The following SCAMP1 variants were observed in gnomAD, a reference collection of about 807,000 sequenced individuals.
SCAMP1 encodes the protein secretory carrier-associated membrane protein 1.
Under a neutral mutation model 41.8 loss-of-function variants are expected in SCAMP1, and 15 were observed. The observed-to-expected ratio is 0.36, with a 90% CI of 0.24 to 0.55. The LOEUF is 0.55. Ranked by LOEUF, SCAMP1 falls within the 20% of genes least tolerant of loss-of-function variation. The probability of loss-of-function intolerance (pLI) is 0.86; values close to 1 mark genes in which losing one functional copy is unlikely to be tolerated. For missense variants in SCAMP1, 341 were observed against 412.6 expected, an observed-to-expected ratio of 0.83 and a Z score of 1.50; for synonymous variants, 135 against 136.8, an observed-to-expected ratio of 0.99 and a Z score of 0.09.
In SCAMP1 at chr5:78,476,794, T is replaced by A. The variant is rs1426069819; in HGVS notation, c.*1126T>A. On this transcript the variant is annotated 3_prime_UTR_variant, in exon 9 of 9. Coordinates refer to ENST00000621999, the MANE Select transcript of SCAMP1 (RefSeq NM_004866.6). ...TGAGACAGACTGAATATATCTAAAA[T>A]TTCCAGCAATAAAAAAAAAAGCATT... 2 of 152,554 alleles carry A rather than the reference T, an allele frequency of 1.3e-5. No individual in the cohort carries two copies. Among genetic ancestry groups the A allele is most frequent in the Middle Eastern group, 3.4e-3 (1 of 294 alleles). The allele number at this position is 152,554 out of a possible 1,614,324, so 9.5% of individuals were successfully genotyped here.
At chr5:78,382,792 TGTGTGTGTGTGTGTGTGTGTGTGTGTGC>T (rs1751239881) in intron 1 of SCAMP1, among the ~76,000 whole-genome samples, 1 of 125,490 alleles carries the variant, frequency 8.0e-6, no homozygotes, top group African/African-American at 2.9e-5. Context: ...TGTGTGTGTG[TGTGTGTGTGTGTGTGTGTGTGTGTGTGC>T]GCCACATTTT....
Position 78,436,692 on chromosome 5 carries a change from T to C in SCAMP1, c.633-13241T>C, listed in dbSNP as rs574564611. Among the ~76,000 whole-genome samples, 16 of 152,302 alleles carry C rather than the reference T, an allele frequency of 1.1e-4. No homozygotes were observed. The South Asian group carries it at 3.3e-3, about 32-fold the overall frequency. On this transcript the variant is annotated intron_variant, in intron 6 of 8. Transcript: ENST00000621999. ...GCTTTGTTCTTTTTGCTTAGGATTG[T>C]CTTGGCAATGCAGGCTCTTTTTTGG...
chr5:78,456,239 G>T (rs939581972), intron 7 of SCAMP1, among the ~76,000 whole-genome samples: 1 of 143,322 alleles, frequency 7.0e-6, no homozygotes, highest in Non-Finnish European at 1.5e-5. Flanking sequence ...GATGTTAGCT[G>T]GTGATTTTGC....
intron 2 of SCAMP1, among the ~76,000 whole-genome samples, chr5:78,391,449 G>C (rs4608905): frequency 0.19 from 28,075 of 151,490 alleles, 3,201 homozygotes; most frequent in Admixed American, 0.34. Context: ...CGGCTGGCCT[G>C]GCGGGGGCTG....
intron 6 of SCAMP1, among the ~76,000 whole-genome samples, chr5:78,445,058 G>T (rs1467781536): frequency 6.6e-6 from 1 of 152,108 alleles, no homozygotes; most frequent in African/African-American, 2.4e-5. Context: ...GTTAACTTGT[G>T]TCCCCCCATC....
chr5:78,438,564 T>G (rs925952124), intron 6 of SCAMP1, among the ~76,000 whole-genome samples: 1 of 152,144 alleles, frequency 6.6e-6, no homozygotes, highest in African/African-American at 2.4e-5. Context: ...TTTGATTGCA[T>G]TGTGGTCTGA....
chr5:78,437,521 A>T (rs1465934736), intron 6 of SCAMP1, among the ~76,000 whole-genome samples: 1 of 152,106 alleles, frequency 6.6e-6, no homozygotes, highest in Non-Finnish European at 1.5e-5. Flanking sequence ...ATGTTTATTG[A>T]TTTGCGCATG....
At chr5:78,437,460 A>G (rs1050661751) in intron 6 of SCAMP1, among the ~76,000 whole-genome samples, 10 of 152,330 alleles carry the variant, frequency 6.6e-5, no homozygotes, top group Admixed American at 3.9e-4. Flanking sequence ...TTCTGCATCT[A>G]TTGAGATAAT....
rs536675236 is a variant in SCAMP1, at chr5:78,443,892, A to G, written c.633-6041A>G. ...CGCTGGTCTTGAACTCCTGAGCTCA[A>G]GCGAACCTCCCACCTTGGCTCCTAA... On this transcript the variant is annotated intron_variant, in intron 6 of 8. Transcript: ENST00000621999. 8.5e-5 allele frequency among the ~76,000 whole-genome samples: 13 copies of G among 152,084 alleles called. No individual in the cohort carries two copies. The East Asian group carries it at 2.5e-3, about 29-fold the overall frequency.
intron 7 of SCAMP1, among the ~76,000 whole-genome samples, chr5:78,455,771 G>A (rs1753379183): frequency 7.4e-6 from 1 of 135,848 alleles, no homozygotes; most frequent in African/African-American, 2.8e-5. Flanking sequence ...TCTGTCTAAT[G>A]TTGACAGTGG....
At chr5:78,385,548 T>C (rs1375560393) in intron 1 of SCAMP1, among the ~76,000 whole-genome samples, 1 of 152,202 alleles carries the variant, frequency 6.6e-6, no homozygotes, top group Non-Finnish European at 1.5e-5. Context: ...ATTGTCTATT[T>C]GTGCTGTTTC....
intron 2 of SCAMP1, 141 bp downstream of exon 2, chr5:78,389,055 AT>A (rs1751422413): frequency 1.7e-5 from 8 of 478,362 alleles, no homozygotes; most frequent in South Asian, 4.6e-5. Context: ...GCAAACTTGG[AT>A]TTTTTTAATA....
intron 6 of SCAMP1, among the ~76,000 whole-genome samples, chr5:78,426,678 T>C (rs551588235): frequency 5.3e-5 from 8 of 152,342 alleles, no homozygotes; most frequent in African/African-American, 1.9e-4. Flanking sequence ...TTAGAACTTT[T>C]CCATCCTTCC....
intron 1 of SCAMP1, among the ~76,000 whole-genome samples, chr5:78,378,936 C>T (rs1254825164): frequency 6.6e-6 from 1 of 152,196 alleles, no homozygotes; most frequent in Non-Finnish European, 1.5e-5. Context: ...GAGTGACGCT[C>T]AGCAATCTGG....
intron 1 of SCAMP1, among the ~76,000 whole-genome samples, chr5:78,368,865 TG>T (rs1385392731): frequency 1.3e-5 from 2 of 152,106 alleles, no homozygotes; most frequent in African/African-American, 4.8e-5. Context: ...TAAGGTTAAC[TG>T]GCAAAGTTTA....
chr5:78,385,439 T>A (rs1455579981), intron 1 of SCAMP1, among the ~76,000 whole-genome samples: 1 of 152,154 alleles, frequency 6.6e-6, no homozygotes, highest in Non-Finnish European at 1.5e-5. Flanking sequence ...TTGTTTCTAT[T>A]TCATTTAGTT....
intron 6 of SCAMP1, among the ~76,000 whole-genome samples, chr5:78,434,009 C>G (rs1752685066): frequency 6.6e-6 from 1 of 152,140 alleles, no homozygotes. Context: ...GCTTTGCTAT[C>G]CCATTTTACC....
rs1314990833 is a variant in SCAMP1 at position 78,476,907 on chromosome 5, A to G, written c.*1239A>G. On this transcript the variant is annotated 3_prime_UTR_variant, in exon 9 of 9. Transcript: ENST00000621999. ...TTGTTACTATGCAGCACAGAACTTCATTCTTATAGTATTCTTGGGTTCAAC... is the reference window on the plus strand; with the variant it reads ...TTGTTACTATGCAGCACAGAACTTCGTTCTTATAGTATTCTTGGGTTCAAC... The G allele has an allele frequency of 6.6e-6, 1 of 152,202 alleles. No individual in the cohort carries two copies. Among genetic ancestry groups the G allele is most frequent in the African/African-American group, 2.4e-5 (1 of 41,470 alleles). The allele number at this position is 152,202 out of a possible 1,614,324, so 9.4% of individuals were successfully genotyped here. A position where few individuals can be genotyped will look rare whatever the true frequency, so the allele number is the denominator to read the frequency against.
At chr5:78,435,926 C>T (rs1052885139) in intron 6 of SCAMP1, among the ~76,000 whole-genome samples, 8 of 152,236 alleles carry the variant, frequency 5.3e-5, no homozygotes, top group African/African-American at 1.2e-4. Flanking sequence ...TTCTAACTGG[C>T]GTGAGATGGT....
Sources: allele counts gnomAD v4.1 joint callset (sites outside exome capture counted in the v4.1 genomes callset), GRCh38; gene constraint gnomAD v4.1.1; transcripts MANE v1.5; gene names NCBI Gene and HGNC (gene_info 2026-07-23, HGNC 2026-07-21).